Variants in CHRNB1 observed in about 807,000 individuals in gnomAD.
CHRNB1 encodes the protein acetylcholine receptor subunit beta.
CHRNB1 carries 47 observed loss-of-function variants against 53.8 expected under a neutral mutation model. The ratio of observed to expected loss-of-function variants is 0.87; its 90% CI spans 0.69 to 1.11. CHRNB1 has a LOEUF of 1.11. CHRNB1 is among the 50% of genes most tolerant of loss of function. CHRNB1 has a pLI of 0.00. For synonymous variants in CHRNB1, 259 were observed against 263.5 expected, an observed-to-expected ratio of 0.98 and a Z score of 0.16; for missense variants, 605 against 654.9, an observed-to-expected ratio of 0.92 and a Z score of 0.83.
intron 6 of CHRNB1, among the ~76,000 whole-genome samples, chr17:7,448,074 C>CAAAAAA (rs71157286): frequency 1.8e-4 from 3 of 16,696 alleles, no homozygotes; most frequent in Admixed American, 1.1e-3. Context: ...AAGTTCGTCT[C>CAAAAAA]AAAAAAAAAA....
intron 6 of CHRNB1, 73 bp from the exon 7 acceptor site, chr17:7,448,506 C>T (rs1908750151): frequency 6.2e-6 from 9 of 1,454,836 alleles, no homozygotes; most frequent in Non-Finnish European, 8.6e-6. Context: ...TAGGCTGTGG[C>T]AGAGCAAGCC....
chr17:7,447,273 C>T, intron 5 of CHRNB1, 122 bp downstream of exon 5: 1 of 949,000 alleles, frequency 1.1e-6, no homozygotes, highest in South Asian at 1.4e-5. Context: ...CCCCATGACC[C>T]TCACCTCGTC....
At chr17:7,448,877 C>T in intron 7 of CHRNB1, 89 bp downstream of exon 7, 1 of 1,397,482 alleles carries the variant, frequency 7.2e-7, no homozygotes, top group Non-Finnish European at 1.0e-6. Flanking sequence ...TCCTGCCAAT[C>T]CAAAGCATCA....
chr17:7,456,818 A>T lies in CHRNB1; in HGVS notation c.*95A>T. On this transcript the variant is annotated 3_prime_UTR_variant, in exon 11 of 11. Transcript: ENST00000306071. ...TCCTTCTCTGCCTCTTAACTCCTTC[A>T]CGAGGAATCTGGGCCTCTTATTTCG... 1 of 1,533,900 alleles carries T rather than the reference A, an allele frequency of 6.5e-7. No homozygotes were observed. The highest frequency in any genetic ancestry group is 9.0e-7 in the Non-Finnish European group (1 of 1,116,624).
chr17:7,445,222 G>T lies in CHRNB1; in HGVS notation c.58+37G>T, dbSNP rs763061831. 8.7e-6 allele frequency: 14 copies of T among 1,611,590 alleles called. No individual in the cohort carries two copies. Among genetic ancestry groups the T allele is most frequent in the Non-Finnish European group, 5.1e-6 (6 of 1,179,510 alleles). On this transcript the variant is annotated intron_variant, in intron 1 of 10. Transcript: ENST00000306071. The surrounding 1 kb of genome is among the most constrained non-coding windows in gnomAD (Gnocchi z 5.7). ...CCCCGAAGGGGCAGTGACGGGGCCA[G>T]CGGTCGTGGCCAGGCACCAGGGCTG...
At chr17:7,449,402 C>T (rs1405829915) in intron 7 of CHRNB1, among the ~76,000 whole-genome samples, 1 of 89,062 alleles carries the variant, frequency 1.1e-5, no homozygotes, top group Admixed American at 1.4e-4. Flanking sequence ...AGGGCCCGAC[C>T]TTTTTTTTTT....
At chr17:7,446,970 T>C (rs1908661743) in intron 4 of CHRNB1, 28 bp downstream of exon 4, 1 of 1,013,216 alleles carries the variant, frequency 9.9e-7, no homozygotes, top group Middle Eastern at 2.3e-4. Flanking sequence ...GCCCGGGAGG[T>C]GGCGCGGGGC....
chr17:7,455,809 G>C lies in CHRNB1; in HGVS notation c.1233G>C (p.Leu411=). 1 of 1,614,162 alleles carries C rather than the reference G, an allele frequency of 6.2e-7. No individual in the cohort carries two copies. Among genetic ancestry groups the C allele is most frequent in the Non-Finnish European group, 8.5e-7 (1 of 1,180,040 alleles). Residue 411 remains leucine, a synonymous_variant, in exon 10 of 11, where the codon CTG becomes CTC. Transcript: ENST00000306071. ...FPKPNRFQPE[L]SAPDLRRFID... is the part of the protein sequence containing the mutation. ...CCTCTTCCAGGTTCCAGCCTGAACT[G>C]TCTGCCCCTGATCTGCGGCGATTTA...
chr17:7,456,969 C>T lies in CHRNB1; in HGVS notation c.*246C>T, dbSNP rs2069958924. 4 of 543,100 alleles carry T rather than the reference C, an allele frequency of 7.4e-6. No homozygotes were observed. The highest frequency in any genetic ancestry group is 1.3e-5 in the Non-Finnish European group (4 of 302,354). 33.6% of individuals were successfully genotyped at this position (543,100 alleles called of 1,614,324 possible). On this transcript the variant is annotated 3_prime_UTR_variant, in exon 11 of 11. Coordinates refer to ENST00000306071, the MANE Select transcript of CHRNB1 (RefSeq NM_000747.3). ...CTCTTTTGGGTATCAACACCTAGGT[C>T]GCCAGTGAAATAGAACACAGAACAG...
At position 7,446,819 on chromosome 17, in the gene CHRNB1, C is replaced by G. The variant is rs773503570; in HGVS notation, c.244-14C>G. On this transcript the variant is annotated splice_polypyrimidine_tract_variant and intron_variant, in intron 3 of 10. Coordinates refer to ENST00000306071, the MANE Select transcript of CHRNB1 (RefSeq NM_000747.3). ...CTCCAACCCGGGGCAGCCCCTCAGCCTCTGCTTCACTAGGAGTGGACTGAC... is the reference window on the plus strand; with the variant it reads ...CTCCAACCCGGGGCAGCCCCTCAGCGTCTGCTTCACTAGGAGTGGACTGAC... 3.7e-6 allele frequency: 6 copies of G among 1,609,410 alleles called. No individual in the cohort carries two copies. The African/African-American group carries it at 5.3e-5, about 14-fold the overall frequency.
At position 7,457,601 on chromosome 17, in the gene CHRNB1, C is replaced by T. The variant is rs570743583; in HGVS notation, c.*878C>T. On this transcript the variant is annotated 3_prime_UTR_variant, in exon 11 of 11. Transcript: ENST00000306071. ...AAATAAAAATAGAAATAAAGTAGTG[C>T]TTATTGTTTGCATGTTGGGTCTTGT... 3 of 152,118 alleles carry T rather than the reference C, an allele frequency of 2.0e-5. No individual in the cohort carries two copies. Among genetic ancestry groups the T allele is most frequent in the Admixed American group, 2.0e-4 (3 of 15,286 alleles). The allele number at this position is 152,118 out of a possible 1,614,324, so 9.4% of individuals were successfully genotyped here.
Position 7,446,014 on chromosome 17 carries a change from C to A in CHRNB1, c.199-55C>A, listed in dbSNP as rs1373334946. 2.6e-6 allele frequency: 4 copies of A among 1,539,010 alleles called. No homozygotes were observed. In the African/African-American group the frequency reaches 4.1e-5, roughly 16 times the overall value. On this transcript the variant is annotated intron_variant, in intron 2 of 10. Coordinates refer to ENST00000306071, the MANE Select transcript of CHRNB1 (RefSeq NM_000747.3). ...AGGAGAGAGGTTGGCCCCCCGAGCC[C>A]CCTCATTTCTCTCCACCCTACTTCA...
Position 7,445,833 on chromosome 17 carries a change from C to T in CHRNB1, c.199-236C>T, listed in dbSNP as rs1908584101. Reference sequence around the variant, plus strand: ...GCCGGGGACAGAGCTAGGCGGAGGGCTAGGCAGGGGCGGGTCTGGTAGGTT... The same window carrying T: ...GCCGGGGACAGAGCTAGGCGGAGGGTTAGGCAGGGGCGGGTCTGGTAGGTT... On this transcript the variant is annotated intron_variant, in intron 2 of 10. Transcript: ENST00000306071. The surrounding 1 kb of genome is among the most constrained non-coding windows in gnomAD (Gnocchi z 5.7). 2.6e-5 allele frequency: 16 copies of T among 623,806 alleles called. No individual in the cohort carries two copies. In the Middle Eastern group the frequency reaches 1.3e-3, roughly 51 times the overall value. 38.6% of individuals were successfully genotyped at this position (623,806 alleles called of 1,614,324 possible).
At chr17:7,453,796 C>T (rs1427420054) in intron 7 of CHRNB1, among the ~76,000 whole-genome samples, 1 of 151,418 alleles carries the variant, frequency 6.6e-6, no homozygotes, top group East Asian at 2.0e-4. Flanking sequence ...CAAAGTGGCT[C>T]ACGCCTGTAA....
Position 7,455,802 on chromosome 17 carries a change from C to A in CHRNB1, c.1226C>A (p.Pro409His). ...FLFPKPNRFQ[P>H]ELSAPDLRRF... ...AGTCACTCCTCTTCCAGGTTCCAGC[C>A]TGAACTGTCTGCCCCTGATCTGCGG... Residue 409 changes from proline (P) to histidine (H), a missense_variant, in exon 10 of 11, where the codon CCT (proline) becomes CAT (histidine). By Grantham distance (77) the Pro-to-His change is moderately conservative (BLOSUM62 -2). Transcript: ENST00000306071. The A allele has an allele frequency of 2.5e-6, 4 of 1,614,174 alleles. No individual in the cohort carries two copies. The highest frequency in any genetic ancestry group is 2.5e-6 in the Non-Finnish European group (3 of 1,180,030).
At position 7,445,625 on chromosome 17, in the gene CHRNB1, G is replaced by T. The variant is rs149024203; in HGVS notation, c.198+216G>T. The T allele has an allele frequency of 9.5e-4, 1,369 of 1,445,662 alleles. 3 individuals carry two copies. The highest frequency in any genetic ancestry group is 9.2e-4 in the Non-Finnish European group (1,020 of 1,103,096). The allele number at this position is 1,445,662 out of a possible 1,614,324, so 89.6% of individuals were successfully genotyped here. A position where few individuals can be genotyped will look rare whatever the true frequency, so the allele number is the denominator to read the frequency against. On this transcript the variant is annotated intron_variant, in intron 2 of 10. Transcript: ENST00000306071. The surrounding 1 kb of genome is among the most constrained non-coding windows in gnomAD (Gnocchi z 5.7). ...CTGGAGTAGAACTGGGTAGGGTGAA[G>T]GACGGACCTGTGATCGGACCTTAAA... is the stretch of plus-strand genomic sequence containing the variant.
chr17:7,446,545 A>T (rs1177429518), intron 3 of CHRNB1: 2 of 544,484 alleles, frequency 3.7e-6, no homozygotes, highest in Non-Finnish European at 6.6e-6. Context: ...TTCCCCATCC[A>T]CTAAAGGATT....
chr17:7,449,501 G>A (rs910648605), intron 7 of CHRNB1, among the ~76,000 whole-genome samples: 1 of 145,508 alleles, frequency 6.9e-6, no homozygotes, highest in East Asian at 2.2e-4. Flanking sequence ...TCAAACTCTT[G>A]GGCTCAAACA....
At chr17:7,451,545 T>C (rs1349970592) in intron 7 of CHRNB1, among the ~76,000 whole-genome samples, 1 of 152,048 alleles carries the variant, frequency 6.6e-6, no homozygotes, top group Non-Finnish European at 1.5e-5. Context: ...CCTCCCACAG[T>C]GCTGGGATTA....
Sources: allele counts gnomAD v4.1 joint callset (sites outside exome capture counted in the v4.1 genomes callset), GRCh38; gene constraint gnomAD v4.1.1; non-coding constraint Gnocchi (gnomAD v3.1); transcripts MANE v1.5; gene names NCBI Gene and HGNC (gene_info 2026-07-23, HGNC 2026-07-21).